Variants in MCTP1 observed in about 807,000 individuals in gnomAD.
The protein encoded by MCTP1 is multiple C2 and transmembrane domain-containing protein 1.
In MCTP1, 69 loss-of-function variants were observed where a neutral mutation model predicts 120.6. That is an observed-to-expected ratio of 0.57 (90% confidence interval 0.47 to 0.70). MCTP1 has a LOEUF of 0.70. Among genes scored for constraint, MCTP1 ranks in the 30% least tolerant of loss-of-function variants. The probability of loss-of-function intolerance (pLI) is 0.00; values close to 1 mark genes in which losing one functional copy is unlikely to be tolerated. For synonymous variants in MCTP1, 529 were observed against 493.1 expected (o/e 1.07, Z -0.96); for missense variants, 1,203 against 1,248.8 (o/e 0.96, Z 0.55).
intron 6 of MCTP1, among the ~76,000 whole-genome samples, chr5:94,930,267 ATT>A (rs869306266): frequency 0.11 from 11,359 of 99,802 alleles, 161 homozygotes; most frequent in Middle Eastern, 0.13. Context: ...TTAAAGAAGA[ATT>A]TTTTTTTTTT....
chr5:95,155,026 G>A (rs949757407), intron 1 of MCTP1, among the ~76,000 whole-genome samples: 3 of 152,034 alleles, frequency 2.0e-5, no homozygotes, highest in African/African-American at 7.2e-5. Context: ...ATTTTATAAT[G>A]AATATGAACA....
chr5:95,201,480 T>G (rs1751031756), intron 1 of MCTP1, among the ~76,000 whole-genome samples: 1 of 4,760 alleles, frequency 2.1e-4, no homozygotes, highest in Non-Finnish European at 5.3e-4. Flanking sequence ...TTTTTTTTTT[T>G]TTTTTTTTTT....
intron 1 of MCTP1, among the ~76,000 whole-genome samples, chr5:95,111,852 T>C (rs1757479170): frequency 6.6e-6 from 1 of 152,298 alleles, no homozygotes; most frequent in South Asian, 2.1e-4. Flanking sequence ...CTCTGATGGA[T>C]GTAATGTCTC....
chr5:95,005,877 T>C (rs894818916), intron 2 of MCTP1, among the ~76,000 whole-genome samples: 1 of 152,122 alleles, frequency 6.6e-6, no homozygotes, highest in African/African-American at 2.4e-5. Flanking sequence ...AAGATAATTA[T>C]TTGCCCAATT....
intron 1 of MCTP1, among the ~76,000 whole-genome samples, chr5:95,038,663 C>A (rs1047324652): frequency 2.0e-5 from 3 of 152,202 alleles, no homozygotes; most frequent in Admixed American, 2.0e-4. Flanking sequence ...CCTTTTCCCT[C>A]CCCCATTTCA....
chr5:94,947,623 A>AGAGAGAGAGAGAGAGAC (rs1819450970), intron 3 of MCTP1, among the ~76,000 whole-genome samples: 1 of 65,888 alleles, frequency 1.5e-5, no homozygotes. Flanking sequence ...GAGAGAGAGA[A>AGAGAGAGAGAGAGAGAC]AGAGAGACAG....
intron 1 of MCTP1, among the ~76,000 whole-genome samples, chr5:95,208,912 A>G (rs1042460777): frequency 6.6e-6 from 1 of 152,004 alleles, no homozygotes; most frequent in Non-Finnish European, 1.5e-5. Context: ...AACACTATTT[A>G]CCATTCCTTC....
At chr5:95,192,214 GAGTA>G (rs1477883655) in intron 1 of MCTP1, among the ~76,000 whole-genome samples, 5 of 151,954 alleles carry the variant, frequency 3.3e-5, no homozygotes, top group African/African-American at 1.2e-4. Flanking sequence ...ACATGTTTTT[GAGTA>G]AGTTTTTTCC....
intron 1 of MCTP1, among the ~76,000 whole-genome samples, chr5:95,245,395 G>T (rs1756645435): frequency 6.6e-6 from 1 of 152,202 alleles, no homozygotes; most frequent in African/African-American, 2.4e-5. Context: ...AAAGGCGCAT[G>T]TTCTAACCCA....
At chr5:94,946,385 C>T (rs1169530034) in intron 3 of MCTP1, among the ~76,000 whole-genome samples, 2 of 152,114 alleles carry the variant, frequency 1.3e-5, no homozygotes, top group African/African-American at 2.4e-5. Context: ...GGCTTAATGG[C>T]TAGCATAGGT....
At chr5:94,899,985 G>GT in intron 10 of MCTP1, among the ~76,000 whole-genome samples, 1 of 152,132 alleles carries the variant, frequency 6.6e-6, no homozygotes, top group South Asian at 2.1e-4. Flanking sequence ...AACCCTCTCT[G>GT]TATGGATGTC....
In MCTP1 at chr5:95,284,049, C is replaced by A. The variant is rs372798151; in HGVS notation, c.527G>T (p.Gly176Val). The A allele has an allele frequency of 2.0e-6, 3 of 1,532,534 alleles. No homozygotes were observed. The highest frequency in any genetic ancestry group is 2.6e-6 in the Non-Finnish European group (3 of 1,140,248). 94.9% of individuals were successfully genotyped at this position (1,532,534 alleles called of 1,614,324 possible). Residue 176 changes from glycine to valine, a missense_variant, in exon 1 of 23, where the codon GGG becomes GTG. By Grantham distance (109) the Gly-to-Val change is moderately radical (BLOSUM62 -3). Around this residue, in one of 2 missense-constraint regions of MCTP1, gnomAD observed 463 missense variants for 377.8 expected, o/e 1.23. Coordinates refer to ENST00000515393, the MANE Select transcript of MCTP1 (RefSeq NM_024717.7). This position sits in a 1 kb window ranked among gnomAD's most constrained non-coding sequence, Gnocchi z 5.2. ...TGCACCCTCATCTCGGGCGCGGTCC[C>A]CCCTCGGGGGAGGCTGGGGCGAGGA... ...LSSSPQPPPR[G>V]DRARDEGARR...
In MCTP1 at chr5:95,195,572, G is replaced by C. The variant is rs193245471; in HGVS notation, c.720+88284C>G. On this transcript the variant is annotated intron_variant, in intron 1 of 22. Coordinates refer to ENST00000515393, the MANE Select transcript of MCTP1 (RefSeq NM_024717.7). ...AGAGAAGAAAGTGGGGAGCAGAAAGGGTTTCAGGAGCAGAAAGTACATTGA... is the reference window on the plus strand; with the variant it reads ...AGAGAAGAAAGTGGGGAGCAGAAAGCGTTTCAGGAGCAGAAAGTACATTGA... Among the ~76,000 whole-genome samples, 548 of 152,224 alleles carry C rather than the reference G, an allele frequency of 3.6e-3. 6 individuals are homozygous for C. The highest frequency in any genetic ancestry group is 0.012 in the African/African-American group (505 of 41,526).
chr5:94,968,495 C>T (rs762525558), intron 2 of MCTP1, among the ~76,000 whole-genome samples: 1 of 152,088 alleles, frequency 6.6e-6, no homozygotes, highest in Non-Finnish European at 1.5e-5. Flanking sequence ...TTATTATTGA[C>T]TTTACAGTGG....
At chr5:95,022,486 T>C (rs528958624) in intron 1 of MCTP1, among the ~76,000 whole-genome samples, 2 of 152,322 alleles carry the variant, frequency 1.3e-5, no homozygotes, top group Admixed American at 1.3e-4. Flanking sequence ...TCAAATGTCA[T>C]ATTTGTCATT....
intron 21 of MCTP1, chr5:94,709,641 A>G (rs919381414): frequency 6.6e-6 from 1 of 152,158 alleles, no homozygotes; most frequent in Non-Finnish European, 1.5e-5. Flanking sequence ...GAAATGAAAG[A>G]TGAACATACA....
intron 18 of MCTP1, among the ~76,000 whole-genome samples, chr5:94,784,594 G>A (rs769729286): frequency 1.3e-4 from 20 of 151,994 alleles, no homozygotes; most frequent in Non-Finnish European, 2.1e-4. Context: ...ATTCAATCAA[G>A]TCTGGGATAT....
At chr5:95,169,272 T>G (rs990974225) in intron 1 of MCTP1, among the ~76,000 whole-genome samples, 1 of 152,200 alleles carries the variant, frequency 6.6e-6, no homozygotes, top group African/African-American at 2.4e-5. Context: ...GATAAGCTTT[T>G]CGATGTGCTG....
intron 1 of MCTP1, among the ~76,000 whole-genome samples, chr5:95,219,256 C>G (rs1351130455): frequency 6.6e-6 from 1 of 151,772 alleles, no homozygotes; most frequent in African/African-American, 2.4e-5. Context: ...GTGGTGGGCA[C>G]CTGTAGTCCC....
Sources: allele counts gnomAD v4.1 joint callset (sites outside exome capture counted in the v4.1 genomes callset), GRCh38; gene constraint gnomAD v4.1.1; regional missense constraint gnomAD v4.1.1; non-coding constraint Gnocchi (gnomAD v3.1); transcripts MANE v1.5; gene names NCBI Gene and HGNC (gene_info 2026-07-23, HGNC 2026-07-21).